PCDH9: variants seen among roughly 807,000 people sequenced by gnomAD.
PCDH9 encodes the protein protocadherin-9.
In PCDH9, 24 loss-of-function variants were observed where a neutral mutation model predicts 70.6. The observed-to-expected ratio is 0.34, with a 90% CI of 0.25 to 0.48. The LOEUF is 0.48. Ranked by LOEUF, PCDH9 falls within the 20% of genes least tolerant of loss-of-function variation. The probability of loss-of-function intolerance (pLI) is 0.99; values close to 1 mark genes in which losing one functional copy is unlikely to be tolerated. For missense variants in PCDH9, 1,281 were observed against 1,503.6 expected (o/e 0.85, Z 2.45); for synonymous variants, 562 against 558.5 (o/e 1.01, Z -0.09).
intron 4 of PCDH9, among the ~76,000 whole-genome samples, chr13:66,314,161 T>C (rs1955611090): frequency 6.6e-6 from 1 of 152,214 alleles, no homozygotes; most frequent in Admixed American, 6.5e-5. Context: ...CCTTAAGTGA[T>C]TCTGCTGATG....
intron 3 of PCDH9, among the ~76,000 whole-genome samples, chr13:66,692,095 G>A (rs1369350760): frequency 6.6e-6 from 1 of 152,118 alleles, no homozygotes; most frequent in Non-Finnish European, 1.5e-5. Flanking sequence ...TGAGGAACAT[G>A]CTATAACAAA....
intron 2 of PCDH9, among the ~76,000 whole-genome samples, chr13:66,965,657 T>G (rs1290811534): frequency 6.6e-6 from 1 of 152,096 alleles, no homozygotes; most frequent in Admixed American, 6.6e-5. Flanking sequence ...ATTAATTGAT[T>G]GCAGAAGTTT....
At chr13:66,765,278 C>T in intron 3 of PCDH9, among the ~76,000 whole-genome samples, 1 of 151,928 alleles carries the variant, frequency 6.6e-6, no homozygotes, top group East Asian at 1.9e-4. Context: ...GATTTCTGGG[C>T]TTGGATACCT....
chr13:66,488,801 G>A (rs963162640), intron 4 of PCDH9, among the ~76,000 whole-genome samples: 1 of 152,152 alleles, frequency 6.6e-6, no homozygotes, highest in Non-Finnish European at 1.5e-5. Context: ...GGCATAAAAA[G>A]TGCTAGTAAT....
intron 2 of PCDH9, among the ~76,000 whole-genome samples, chr13:67,004,395 A>T (rs2084306635): frequency 6.6e-6 from 1 of 151,840 alleles, no homozygotes; most frequent in Non-Finnish European, 1.5e-5. Flanking sequence ...ACAAGGTGAA[A>T]CCCTGTCTCC....
At chr13:67,147,944 T>C (rs955618096) in intron 2 of PCDH9, among the ~76,000 whole-genome samples, 11 of 152,174 alleles carry the variant, frequency 7.2e-5, no homozygotes, top group Non-Finnish European at 1.3e-4. Context: ...AAAACTATCA[T>C]ATCCTTAAAC....
intron 3 of PCDH9, among the ~76,000 whole-genome samples, chr13:66,648,870 AC>A: frequency 6.6e-6 from 1 of 152,240 alleles, no homozygotes; most frequent in East Asian, 1.9e-4. Flanking sequence ...GATATATTTA[AC>A]AGAAAGTCTG....
Position 66,408,087 on chromosome 13 carries a change from T to C in PCDH9, c.3341-103059A>G, listed in dbSNP as rs745923576. The stretch of plus-strand genomic sequence containing the variant: ...TTTTTTTTGAGACGGAGTCTCGCTC[T>C]GTCGCCCAGGCCGGACTGCGGACTG... On this transcript the variant is annotated intron_variant, in intron 4 of 4. Transcript: ENST00000377865. 8.5e-3 allele frequency among the ~76,000 whole-genome samples: 1,262 copies of C among 149,292 alleles called. 14 individuals are homozygous for C. The highest frequency in any genetic ancestry group is 0.014 in the Middle Eastern group (4 of 282).
chr13:66,758,230 T>C (rs1177018078), intron 3 of PCDH9, among the ~76,000 whole-genome samples: 1 of 152,022 alleles, frequency 6.6e-6, no homozygotes, highest in African/African-American at 2.4e-5. Flanking sequence ...TTTTGCATTT[T>C]TCAATAATAC....
chr13:66,749,370 A>T (rs2079422466), intron 3 of PCDH9, among the ~76,000 whole-genome samples: 1 of 152,156 alleles, frequency 6.6e-6, no homozygotes, highest in African/African-American at 2.4e-5. Context: ...CGCAGGAGGA[A>T]TAACAACAAA....
intron 2 of PCDH9, among the ~76,000 whole-genome samples, chr13:67,089,213 A>G (rs1464552078): frequency 6.6e-6 from 1 of 152,082 alleles, no homozygotes; most frequent in Non-Finnish European, 1.5e-5. Flanking sequence ...GTTTAATTAG[A>G]GATTCAAATA....
chr13:66,623,420 G>C (rs1027688059), intron 4 of PCDH9, among the ~76,000 whole-genome samples: 1 of 152,112 alleles, frequency 6.6e-6, no homozygotes, highest in African/African-American at 2.4e-5. Flanking sequence ...TCACCTGCTG[G>C]CAAGTAGGCT....
intron 3 of PCDH9, among the ~76,000 whole-genome samples, chr13:66,690,764 T>A (rs545763703): frequency 6.6e-6 from 1 of 152,312 alleles, no homozygotes; most frequent in Admixed American, 6.5e-5. Flanking sequence ...ATTCCCTGAA[T>A]TCTTTCCACA....
intron 2 of PCDH9, chr13:67,203,977 T>C (rs888593123): frequency 6.6e-6 from 1 of 152,064 alleles, no homozygotes; most frequent in Non-Finnish European, 1.5e-5. Context: ...GGCAGCTCAA[T>C]ATATTGGGGT....
chr13:67,131,640 C>CA (rs999052779), intron 2 of PCDH9, among the ~76,000 whole-genome samples: 5 of 150,666 alleles, frequency 3.3e-5, no homozygotes, highest in African/African-American at 4.9e-5. Flanking sequence ...GGGAGTGTAG[C>CA]AAAAAAAAGA....
At position 67,227,430 on chromosome 13, in the gene PCDH9, G is replaced by T; in HGVS notation, c.1011C>A (p.Ser337=). 6.2e-7 allele frequency: 1 copy of T among 1,613,830 alleles called. No homozygotes were observed. Among genetic ancestry groups the T allele is most frequent in the Non-Finnish European group, 8.5e-7 (1 of 1,179,760 alleles). The change falls in exon 2 of 5, where the codon TCC becomes TCA. Residue 337 remains serine, a synonymous_variant. Coordinates refer to ENST00000377865, the MANE Select transcript of PCDH9 (RefSeq NM_203487.3). This position sits in a 1 kb window ranked among gnomAD's most constrained non-coding sequence, Gnocchi z 4.6. The stretch of plus-strand genomic sequence containing the variant: ...TGGTAACCGTTGCTCGAGCAGGAGT[G>T]GAGCTGCCGTCACTAGCCAGCACTG... ...KVTVLASDGS[S]TPARATVTIN...
intron 2 of PCDH9, among the ~76,000 whole-genome samples, chr13:67,093,967 T>C (rs544161068): frequency 1.3e-5 from 2 of 152,320 alleles, no homozygotes; most frequent in East Asian, 1.9e-4. Flanking sequence ...AAATAGAAAG[T>C]AGAACAAGAA....
chr13:66,368,353 C>T (rs573627776), intron 4 of PCDH9, among the ~76,000 whole-genome samples: 167 of 151,800 alleles, frequency 1.1e-3, no homozygotes, highest in African/African-American at 3.9e-3. Context: ...ATTATTAATG[C>T]AAAATTTTAA....
intron 2 of PCDH9, among the ~76,000 whole-genome samples, chr13:66,970,871 G>C (rs191557235): frequency 8.6e-5 from 13 of 152,008 alleles, no homozygotes; most frequent in African/African-American, 3.1e-4. Context: ...TTTTAACAAA[G>C]GGCTAACCTA....
Sources: gnomAD v4.1 joint callset for allele counts (sites outside exome capture counted in the v4.1 genomes callset) on GRCh38, gnomAD v4.1.1 for gene constraint, Gnocchi (gnomAD v3.1) non-coding constraint, MANE v1.5 for transcripts, NCBI Gene and HGNC (gene_info 2026-07-23, HGNC 2026-07-21) for gene names.